Variants in MAPK9 observed in about 807,000 individuals in gnomAD.
MAPK9 encodes mitogen-activated protein kinase 9.
Under a neutral mutation model 57.1 loss-of-function variants are expected in MAPK9, and 30 were observed. That is an observed-to-expected ratio of 0.53 (90% CI 0.39 to 0.71). The LOEUF (loss-of-function observed/expected upper bound fraction) is 0.71. Ranked by LOEUF, MAPK9 falls within the 30% of genes least tolerant of loss-of-function variation. The pLI, the probability that MAPK9 is intolerant of heterozygous loss-of-function variation, is 0.00. For synonymous variants in MAPK9, 155 were observed against 177.0 expected, an observed-to-expected ratio of 0.88 and a Z score of 0.99; for missense variants, 362 against 521.0, an observed-to-expected ratio of 0.69 and a Z score of 2.97.
At chr5:180,270,156 T>C (rs777965626) in intron 2 of MAPK9, among the ~76,000 whole-genome samples, 3 of 152,248 alleles carry the variant, frequency 2.0e-5, no homozygotes, top group Admixed American at 6.5e-5. Flanking sequence ...TCATTTGTAT[T>C]ATCACCTCTG....
At chr5:180,279,671 G>A (rs1440460161) in intron 2 of MAPK9, 2 of 358,724 alleles carry the variant, frequency 5.6e-6, no homozygotes, top group Non-Finnish European at 1.1e-5. Context: ...AGGTAATCCT[G>A]TTTTCATTGA....
At chr5:180,249,447 C>T (rs1561794473) in intron 5 of MAPK9, among the ~76,000 whole-genome samples, 1 of 150,736 alleles carries the variant, frequency 6.6e-6, no homozygotes, top group African/African-American at 2.4e-5. Context: ...AGCACACATG[C>T]CCCCCTCCCG....
chr5:180,243,605 T>A (rs1327410245), intron 7 of MAPK9, among the ~76,000 whole-genome samples: 1 of 152,180 alleles, frequency 6.6e-6, no homozygotes, highest in Non-Finnish European at 1.5e-5. Context: ...GAGGCATGTC[T>A]TAGAAAAATG....
At chr5:180,291,698 C>A (rs1386432081) in intron 1 of MAPK9, 150 bp downstream of exon 1, 1 of 151,086 alleles carries the variant, frequency 6.6e-6, no homozygotes, top group Non-Finnish European at 1.5e-5. Context: ...CTGCGGCATC[C>A]CCCAGCACAG....
intron 5 of MAPK9, among the ~76,000 whole-genome samples, chr5:180,254,754 AG>A (rs1190046978): frequency 5.3e-5 from 8 of 152,110 alleles, no homozygotes; most frequent in African/African-American, 1.9e-4. Context: ...GTTAGTCATC[AG>A]CCAGGCACAG....
At chr5:180,280,048 C>T in intron 2 of MAPK9, 1 of 456,350 alleles carries the variant, frequency 2.2e-6, no homozygotes, top group South Asian at 1.5e-5. Context: ...TGGAAATGAA[C>T]AGGAGTGATC....
intron 5 of MAPK9, among the ~76,000 whole-genome samples, chr5:180,258,965 T>G (rs1581223191): frequency 7.2e-6 from 1 of 138,212 alleles, no homozygotes; most frequent in East Asian, 2.1e-4. Flanking sequence ...ACCTGGGAGG[T>G]GGAGGTTGCA....
rs1399772301 is a variant in MAPK9 at position 180,246,166 on chromosome 5, CA to C, written c.688+1272del. On this transcript the variant is annotated intron_variant, in intron 7 of 11. Transcript: ENST00000452135. The stretch of plus-strand genomic sequence containing the variant: ...TGAGTAAGAATTGAGACAAACTGAA[CA>C]TTAAGTAGATATTTCTAAATTATTA... 4 of 152,216 alleles carry C rather than the reference CA, an allele frequency of 2.6e-5. No individual in the cohort carries two copies. The East Asian group carries it at 7.7e-4, about 29-fold the overall frequency. The allele number at this position is 152,216 out of a possible 1,614,324, so 9.4% of individuals were successfully genotyped here.
At position 180,276,886 on chromosome 5, in the gene MAPK9, T is replaced by G. The variant is rs760472604; in HGVS notation, c.122+3554A>C. ...ATAAAATATTTTAAAATTTAAAAAC[T>G]TATTTCCTAATAAATTTTACTAACA... On this transcript the variant is annotated intron_variant, in intron 2 of 11. Transcript: ENST00000452135. 1.1e-4 allele frequency among the ~76,000 whole-genome samples: 17 copies of G among 151,718 alleles called. 1 individual carries two copies. The highest frequency in any genetic ancestry group is 2.4e-4 in the Non-Finnish European group (16 of 67,976).
chr5:180,252,837 GA>G (rs1758855154), intron 5 of MAPK9, among the ~76,000 whole-genome samples: 2 of 152,150 alleles, frequency 1.3e-5, no homozygotes. Flanking sequence ...AAAGGGTAGG[GA>G]AAGAGCCAGC....
chr5:180,277,310 C>A (rs1019006433), intron 2 of MAPK9, among the ~76,000 whole-genome samples: 3 of 152,186 alleles, frequency 2.0e-5, no homozygotes. Flanking sequence ...CTGCGTGGCT[C>A]CTTCTGCAGG....
At chr5:180,279,586 T>C (rs1762128645) in intron 2 of MAPK9, among the ~76,000 whole-genome samples, 1 of 152,134 alleles carries the variant, frequency 6.6e-6, no homozygotes, top group African/African-American at 2.4e-5. Flanking sequence ...AAGAGCTTTC[T>C]TCTCCCTCAA....
intron 1 of MAPK9, among the ~76,000 whole-genome samples, chr5:180,283,146 A>G (rs1762460093): frequency 6.6e-6 from 1 of 152,094 alleles, no homozygotes; most frequent in East Asian, 1.9e-4. Context: ...TCATAAGAGA[A>G]GCCTTCCTTC....
chr5:180,290,379 C>A (rs1047362904), intron 1 of MAPK9, among the ~76,000 whole-genome samples: 6 of 152,208 alleles, frequency 3.9e-5, no homozygotes, highest in Admixed American at 2.6e-4. Context: ...ACCTCCTCCA[C>A]ATTTCCATGG....
chr5:180,238,288 A>G (rs1195817839), intron 11 of MAPK9, 44 bp downstream of exon 11: 3 of 1,507,640 alleles, frequency 2.0e-6, no homozygotes, highest in Non-Finnish European at 1.8e-6. Context: ...AAAGTTGAAT[A>G]GGGAAAGAAA....
chr5:180,260,462 C>T (rs1049717431), intron 5 of MAPK9, among the ~76,000 whole-genome samples: 7 of 152,060 alleles, frequency 4.6e-5, no homozygotes, highest in African/African-American at 1.7e-4. Context: ...TCAAAACATG[C>T]ACATGAATGA....
At chr5:180,240,767 A>G (rs560809759) in intron 9 of MAPK9, among the ~76,000 whole-genome samples, 39 of 152,380 alleles carry the variant, frequency 2.6e-4, no homozygotes, top group Admixed American at 2.2e-3. Context: ...GATGCTTAAT[A>G]AACTATGAGC....
intron 7 of MAPK9, among the ~76,000 whole-genome samples, chr5:180,245,639 C>T (rs998941942): frequency 5.9e-5 from 9 of 152,106 alleles, no homozygotes; most frequent in Admixed American, 1.3e-4. Context: ...GTCTAACTCT[C>T]GTGAAGCTGC....
At chr5:180,237,107 A>G (rs1757232892) in intron 11 of MAPK9, 1 of 152,228 alleles carries the variant, frequency 6.6e-6, no homozygotes, top group African/African-American at 2.4e-5. Flanking sequence ...AAATGAAACT[A>G]TCCTACTTCC....
Sources: allele counts gnomAD v4.1 joint callset (sites outside exome capture counted in the v4.1 genomes callset), GRCh38; gene constraint gnomAD v4.1.1; transcripts MANE v1.5; gene names NCBI Gene and HGNC (gene_info 2026-07-23, HGNC 2026-07-21).